SYNPO2: variants seen among roughly 807,000 people sequenced by gnomAD.
The protein encoded by SYNPO2 is synaptopodin-2.
A neutral mutation model predicts 85.0 loss-of-function variants in SYNPO2; 56 were observed. The ratio of observed to expected loss-of-function variants is 0.66; its 90% CI spans 0.53 to 0.82. SYNPO2 has a LOEUF of 0.82. Among genes scored for constraint, SYNPO2 ranks in the 40% least tolerant of loss-of-function variants. The pLI is 0.00. For synonymous variants in SYNPO2, 602 were observed against 591.1 expected (o/e 1.02, Z -0.27); for missense variants, 1,575 against 1,534.2 (o/e 1.03, Z -0.44).
chr4:119,023,025 C>A (rs1737798912), intron 1 of SYNPO2, among the ~76,000 whole-genome samples: 1 of 152,110 alleles, frequency 6.6e-6, no homozygotes, highest in Non-Finnish European at 1.5e-5. Context: ...ATCCACCCGC[C>A]TTGGCCTCCC....
At chr4:118,966,041 TG>T (rs1359172500) in intron 1 of SYNPO2, among the ~76,000 whole-genome samples, 3 of 152,014 alleles carry the variant, frequency 2.0e-5, no homozygotes, top group Non-Finnish European at 4.4e-5. Context: ...GGTGACACGG[TG>T]AGACCCTGTC....
rs796593829 is a variant in SYNPO2, at chr4:118,913,563, T to G, written c.105+24422T>G. Among the ~76,000 whole-genome samples, 97 of 147,384 alleles carry G rather than the reference T, an allele frequency of 6.6e-4. No homozygotes were observed. In the South Asian group the frequency reaches 0.019, roughly 29 times the overall value. On this transcript the variant is annotated intron_variant, in intron 1 of 4. Transcript: ENST00000307142. ...TCTTGAGCCTTCTTTCATTTATTGT[T>G]TGTGTGTGTGTGTGTGTGTGTGTGT...
At chr4:118,859,021 G>T (rs574464417) in intron 1 of SYNPO2, among the ~76,000 whole-genome samples, 46 of 152,240 alleles carry the variant, frequency 3.0e-4, no homozygotes, top group African/African-American at 1.1e-3. Context: ...AATCTTAGAG[G>T]CCAAGTCTTA....
intron 1 of SYNPO2, among the ~76,000 whole-genome samples, chr4:118,876,586 A>G (rs796457885): frequency 1.6e-4 from 25 of 152,112 alleles, no homozygotes; most frequent in African/African-American, 4.8e-4. Flanking sequence ...TTATTTGTTC[A>G]GATACTTTTC....
intron 2 of SYNPO2, among the ~76,000 whole-genome samples, chr4:119,025,035 A>C (rs913094217): frequency 1.3e-5 from 2 of 152,240 alleles, no homozygotes; most frequent in Non-Finnish European, 2.9e-5. Flanking sequence ...ACCTATGTAG[A>C]CTGATGGGAA....
chr4:118,879,222 G>A (rs1732010814), intron 1 of SYNPO2, among the ~76,000 whole-genome samples: 1 of 152,154 alleles, frequency 6.6e-6, no homozygotes, highest in Non-Finnish European at 1.5e-5. Flanking sequence ...AAGGGTCCGT[G>A]GCTTCATTGT....
At chr4:118,860,579 T>C (rs1731592048) in intron 1 of SYNPO2, among the ~76,000 whole-genome samples, 5 of 135,292 alleles carry the variant, frequency 3.7e-5, no homozygotes, top group Non-Finnish European at 7.7e-5. Context: ...TTTTTTGAGA[T>C]GGAGTCTCAC....
intron 1 of SYNPO2, among the ~76,000 whole-genome samples, chr4:118,919,488 A>G (rs887535683): frequency 2.0e-5 from 3 of 152,222 alleles, no homozygotes; most frequent in Admixed American, 6.5e-5. Context: ...AGGGCATACC[A>G]TAAATCAAAC....
At chr4:118,910,031 A>G (rs1404930922) in intron 1 of SYNPO2, among the ~76,000 whole-genome samples, 3 of 152,138 alleles carry the variant, frequency 2.0e-5, no homozygotes, top group Admixed American at 2.0e-4. Flanking sequence ...TTCCATTTCC[A>G]ACGTCTATTT....
intron 1 of SYNPO2, among the ~76,000 whole-genome samples, chr4:119,010,419 A>G (rs1737248280): frequency 6.6e-6 from 1 of 152,124 alleles, no homozygotes; most frequent in Non-Finnish European, 1.5e-5. Flanking sequence ...CCCTGACAAA[A>G]CCATCAGATA....
chr4:118,908,690 G>A (rs1444602690), intron 1 of SYNPO2, among the ~76,000 whole-genome samples: 4 of 152,028 alleles, frequency 2.6e-5, no homozygotes, highest in African/African-American at 9.7e-5. Flanking sequence ...TGGGAGATAC[G>A]TGAAAATAGG....
At chr4:119,056,855 G>A (rs1041722562) in intron 4 of SYNPO2, among the ~76,000 whole-genome samples, 1 of 152,140 alleles carries the variant, frequency 6.6e-6, no homozygotes, top group African/African-American at 2.4e-5. Context: ...GCTCTGGTTT[G>A]TTTTTGCTAT....
At chr4:118,952,887 G>A (rs909354980) in intron 1 of SYNPO2, among the ~76,000 whole-genome samples, 1 of 152,060 alleles carries the variant, frequency 6.6e-6, no homozygotes, top group Admixed American at 6.6e-5. Flanking sequence ...GAATTATTAT[G>A]ATACCAATTT....
intron 1 of SYNPO2, among the ~76,000 whole-genome samples, chr4:118,856,216 G>C (rs527531978): frequency 6.6e-6 from 1 of 152,324 alleles, no homozygotes; most frequent in South Asian, 2.1e-4. Flanking sequence ...TCGGTGCTCA[G>C]AAAATGTCCT....
intron 1 of SYNPO2, among the ~76,000 whole-genome samples, chr4:119,012,526 G>T (rs1267083047): frequency 1.3e-5 from 2 of 151,950 alleles, no homozygotes; most frequent in African/African-American, 4.8e-5. Context: ...TTAGGTATTT[G>T]TCCTAATGCT....
intron 4 of SYNPO2, chr4:119,033,078 G>T: frequency 1.0e-6 from 1 of 985,320 alleles, no homozygotes; most frequent in Non-Finnish European, 1.2e-6. Flanking sequence ...GCACATAAAG[G>T]TGTACATGGC....
chr4:118,953,197 T>A (rs944746883), intron 1 of SYNPO2, among the ~76,000 whole-genome samples: 1 of 152,202 alleles, frequency 6.6e-6, no homozygotes, highest in African/African-American at 2.4e-5. Flanking sequence ...TCACGTTGTT[T>A]GGTTGATTTA....
intron 1 of SYNPO2, among the ~76,000 whole-genome samples, chr4:118,907,419 A>C (rs1732975122): frequency 1.3e-5 from 2 of 152,166 alleles, no homozygotes; most frequent in African/African-American, 2.4e-5. Context: ...CTGCTACAAT[A>C]CTCTGACTTA....
At chr4:118,949,161 A>G (rs986805900) in intron 1 of SYNPO2, among the ~76,000 whole-genome samples, 3 of 152,156 alleles carry the variant, frequency 2.0e-5, no homozygotes, top group Non-Finnish European at 4.4e-5. Flanking sequence ...TGGTGAAAAA[A>G]TTGTAGGAAT....
Sources: gnomAD v4.1 joint callset for allele counts (sites outside exome capture counted in the v4.1 genomes callset) on GRCh38, gnomAD v4.1.1 for gene constraint, MANE v1.5 for transcripts, NCBI Gene and HGNC (gene_info 2026-07-23, HGNC 2026-07-21) for gene names.